CEP85L: variants seen among roughly 807,000 people sequenced by gnomAD.
The protein encoded by CEP85L is centrosomal protein 85L.
A neutral mutation model predicts 100.3 loss-of-function variants in CEP85L; 60 were observed. The ratio of observed to expected loss-of-function variants is 0.60; its 90% CI spans 0.49 to 0.74. CEP85L has a LOEUF of 0.74. CEP85L is among the 30% of genes least tolerant of loss of function. The probability of loss-of-function intolerance (pLI) is 0.00; values close to 1 mark genes in which losing one functional copy is unlikely to be tolerated. For missense variants in CEP85L, 973 were observed against 936.2 expected, an observed-to-expected ratio of 1.04 and a Z score of -0.51; for synonymous variants, 319 against 322.7, an observed-to-expected ratio of 0.99 and a Z score of 0.12.
At chr6:118,590,882 G>A (rs1024338388) in intron 2 of CEP85L, among the ~76,000 whole-genome samples, 5 of 152,230 alleles carry the variant, frequency 3.3e-5, no homozygotes, top group African/African-American at 7.2e-5. Context: ...ACATGTGTCC[G>A]TGTCGTTTTA....
At chr6:118,530,847 A>C (rs1007992310) in intron 3 of CEP85L, among the ~76,000 whole-genome samples, 1 of 128,904 alleles carries the variant, frequency 7.8e-6, no homozygotes, top group African/African-American at 3.0e-5. Context: ...TGCTGAAAGA[A>C]ATGAGATGAT....
rs1476024582 is a variant in CEP85L, at chr6:118,591,804, G to T, written c.233-25488C>A. Among the ~76,000 whole-genome samples the T allele has an allele frequency of 2.0e-5, 3 of 152,148 alleles. No individual in the cohort carries two copies. The East Asian group carries it at 5.8e-4, about 29-fold the overall frequency. On this transcript the variant is annotated intron_variant, in intron 2 of 12. Transcript: ENST00000368491. ...TATTTTGTCCAATTCTTTGTTCAAA[G>T]CACCAAGAACCTGGACACCCTCCAC...
At chr6:118,543,173 T>C (rs1431696309) in intron 3 of CEP85L, among the ~76,000 whole-genome samples, 1 of 72,598 alleles carries the variant, frequency 1.4e-5, no homozygotes, top group Non-Finnish European at 3.4e-5. Flanking sequence ...ACTCAATTTG[T>C]TGAAATTGTT....
intron 2 of CEP85L, among the ~76,000 whole-genome samples, chr6:118,575,824 A>G (rs1044791404): frequency 6.6e-6 from 1 of 151,648 alleles, no homozygotes; most frequent in Admixed American, 6.6e-5. Flanking sequence ...TAATGAGTAA[A>G]CCCTAAAAAA....
intron 3 of CEP85L, among the ~76,000 whole-genome samples, chr6:118,531,715 T>A (rs1483141284): frequency 9.2e-5 from 14 of 151,838 alleles, no homozygotes; most frequent in East Asian, 1.9e-4. Flanking sequence ...AACAGACACA[T>A]CTCAAAAGAC....
chr6:118,566,398 T>C, intron 2 of CEP85L, 82 bp from the exon 3 acceptor site: 1 of 1,154,028 alleles, frequency 8.7e-7, no homozygotes, highest in Non-Finnish European at 1.2e-6. Flanking sequence ...CCAAAAGAAA[T>C]ATCTGAACAT....
rs757345109 is a variant in CEP85L, at chr6:118,511,392, A to T, written c.1163T>A (p.Leu388Gln). Residue 388 changes from leucine (L) to glutamine (Q), a missense_variant, in exon 5 of 13, where the codon CTG (leucine) becomes CAG (glutamine). Physicochemically the swap from Leu to Gln is moderately radical, Grantham distance 113 (BLOSUM62 -2). Transcript: ENST00000368491. ...TTCATTATCCCTTATCCTCTCATGCAGGTGGGTAATTTGTTGCTTCTGCCT... is the reference window on the plus strand; with the variant it reads ...TTCATTATCCCTTATCCTCTCATGCTGGTGGGTAATTTGTTGCTTCTGCCT... ...IDRQKQQITH[L>Q]HERIRDNELR... 5 of 1,612,264 alleles carry T rather than the reference A, an allele frequency of 3.1e-6. No individual in the cohort carries two copies. Among genetic ancestry groups the T allele is most frequent in the Admixed American group, 3.3e-5 (2 of 59,896 alleles).
intron 2 of CEP85L, among the ~76,000 whole-genome samples, chr6:118,580,217 T>G (rs1293036726): frequency 6.6e-6 from 1 of 152,150 alleles, no homozygotes; most frequent in Non-Finnish European, 1.5e-5. Flanking sequence ...CTTGCCGATT[T>G]ATTAAACTCT....
At chr6:118,672,807 G>A (rs958955279) in intron 1 of CEP85L, among the ~76,000 whole-genome samples, 22 of 151,750 alleles carry the variant, frequency 1.4e-4, no homozygotes, top group African/African-American at 5.3e-4. Flanking sequence ...GAAGGAGGAG[G>A]AAGGAGAAGG....
intron 2 of CEP85L, among the ~76,000 whole-genome samples, chr6:118,621,055 C>A (rs1773408727): frequency 6.6e-6 from 1 of 152,150 alleles, no homozygotes; most frequent in African/African-American, 2.4e-5. Context: ...CTGTCCAGTT[C>A]AAATTAGGCT....
At chr6:118,592,021 T>C (rs947401862) in intron 2 of CEP85L, among the ~76,000 whole-genome samples, 2 of 152,222 alleles carry the variant, frequency 1.3e-5, no homozygotes, top group African/African-American at 4.8e-5. Context: ...AAAAAAGTTC[T>C]TTGTATAACC....
chr6:118,558,656 C>CAGAGAGAGAG (rs1413401167), intron 3 of CEP85L, among the ~76,000 whole-genome samples: 2 of 133,862 alleles, frequency 1.5e-5, no homozygotes, highest in Non-Finnish European at 3.1e-5. Flanking sequence ...CACACACACA[C>CAGAGAGAGAG]ACACAGAGAG....
At chr6:118,604,119 C>A (rs1772010925) in intron 2 of CEP85L, among the ~76,000 whole-genome samples, 1 of 152,180 alleles carries the variant, frequency 6.6e-6, no homozygotes, top group African/African-American at 2.4e-5. Flanking sequence ...GACTTTTACA[C>A]CAAATAAGCC....
chr6:118,670,392 C>T (rs1776264380), intron 1 of CEP85L, among the ~76,000 whole-genome samples: 1 of 151,956 alleles, frequency 6.6e-6, no homozygotes, highest in Admixed American at 6.6e-5. Context: ...ACCCTCCACC[C>T]TCAAGTAGGC....
chr6:118,484,430 A>G lies in CEP85L; in HGVS notation c.1438-572T>C, dbSNP rs74929243. Among the ~76,000 whole-genome samples, 368 of 152,340 alleles carry G rather than the reference A, an allele frequency of 2.4e-3. 1 individual carries two copies. The highest frequency in any genetic ancestry group is 8.5e-3 in the African/African-American group (352 of 41,588). Reference sequence around the variant, plus strand: ...GGACGGCATCCTATAAATTGTCATCAACCAGGGGGCAGTAATGACATAGTT... The same window carrying G: ...GGACGGCATCCTATAAATTGTCATCGACCAGGGGGCAGTAATGACATAGTT... On this transcript the variant is annotated intron_variant, in intron 6 of 12. Coordinates refer to ENST00000368491, the MANE Select transcript of CEP85L (RefSeq NM_001042475.3).
intron 5 of CEP85L, 72 bp from the exon 6 acceptor site, chr6:118,491,937 G>A: frequency 8.5e-7 from 1 of 1,181,104 alleles, no homozygotes. Context: ...AATTGGAAAT[G>A]AAGTATAATA....
intron 5 of CEP85L, among the ~76,000 whole-genome samples, chr6:118,504,717 T>G (rs562505867): frequency 9.8e-5 from 15 of 152,328 alleles, no homozygotes; most frequent in African/African-American, 3.6e-4. Flanking sequence ...CATTTGGGAC[T>G]TGAAATTGGC....
chr6:118,608,414 G>A (rs927930280), intron 2 of CEP85L, among the ~76,000 whole-genome samples: 1 of 151,942 alleles, frequency 6.6e-6, no homozygotes, highest in Non-Finnish European at 1.5e-5. Flanking sequence ...AGAATGGCAT[G>A]AACCCGGGAG....
rs1366858457 is a variant in CEP85L at position 118,464,406 on chromosome 6, C to G, written c.*999G>C. On this transcript the variant is annotated 3_prime_UTR_variant, in exon 13 of 13. Coordinates refer to ENST00000368491, the MANE Select transcript of CEP85L (RefSeq NM_001042475.3). Reference sequence around the variant, plus strand: ...AAAAATGTTTATGCTACTGTTGATTCAGATATAAATAGTATTGGCTTTCTC... The same window carrying G: ...AAAAATGTTTATGCTACTGTTGATTGAGATATAAATAGTATTGGCTTTCTC... The G allele has an allele frequency of 6.6e-6, 1 of 152,046 alleles. No individual in the cohort carries two copies. The highest frequency in any genetic ancestry group is 1.9e-4 in the East Asian group (1 of 5,184). The allele number at this position is 152,046 out of a possible 1,614,324, so 9.4% of individuals were successfully genotyped here. A position where few individuals can be genotyped will look rare whatever the true frequency, so the allele number is the denominator to read the frequency against.
Sources: gnomAD v4.1 joint callset for allele counts (sites outside exome capture counted in the v4.1 genomes callset) on GRCh38, gnomAD v4.1.1 for gene constraint, MANE v1.5 for transcripts, NCBI Gene and HGNC (gene_info 2026-07-23, HGNC 2026-07-21) for gene names.